THSD7B: variants seen among roughly 807,000 people sequenced by gnomAD.
The protein encoded by THSD7B is thrombospondin type 1 domain containing 7B, also known as thrombospondin type-1 domain-containing protein 7B.
THSD7B carries 138 observed loss-of-function variants against 213.6 expected under a neutral mutation model. The observed-to-expected ratio is 0.65, with a 90% CI of 0.56 to 0.74. The LOEUF (loss-of-function observed/expected upper bound fraction) is 0.74. THSD7B is among the 30% of genes least tolerant of loss of function. THSD7B has a pLI of 0.00. For synonymous variants in THSD7B, 742 were observed against 687.0 expected (o/e 1.08, Z -1.25); for missense variants, 1,931 against 1,991.5 (o/e 0.97, Z 0.58).
chr2:137,562,606 G>GTGTGTA (rs967141015), intron 15 of THSD7B, among the ~76,000 whole-genome samples: 1 of 151,422 alleles, frequency 6.6e-6, no homozygotes, highest in Non-Finnish European at 1.5e-5. Flanking sequence ...GTGTGTGTGT[G>GTGTGTA]TGTGTGTGTG....
At chr2:136,997,579 T>C (rs17725386) in intron 2 of THSD7B, among the ~76,000 whole-genome samples, 15,676 of 152,094 alleles carry the variant, frequency 0.1, 1,036 homozygotes, top group East Asian at 0.16. Flanking sequence ...CCACCAGAAG[T>C]GGGAAGAGGA....
At chr2:136,950,473 C>T (rs74631330) in intron 2 of THSD7B, among the ~76,000 whole-genome samples, 2,161 of 152,140 alleles carry the variant, frequency 0.014, 69 homozygotes, top group African/African-American at 0.049. Flanking sequence ...AATATTCTGC[C>T]AAAGTTGAGA....
chr2:136,825,718 A>T (rs1263800485), intron 1 of THSD7B, among the ~76,000 whole-genome samples: 8 of 116,890 alleles, frequency 6.8e-5, no homozygotes, highest in Non-Finnish European at 1.2e-4. Flanking sequence ...TGCCTGGCTA[A>T]TTTTTTTTTT....
intron 19 of THSD7B, among the ~76,000 whole-genome samples, chr2:137,618,901 C>T (rs1361183600): frequency 6.6e-6 from 1 of 152,182 alleles, no homozygotes; most frequent in Non-Finnish European, 1.5e-5. Context: ...AACATGGACA[C>T]TTGCCATTAC....
At chr2:137,102,171 G>C (rs1266475785) in intron 4 of THSD7B, among the ~76,000 whole-genome samples, 1 of 152,198 alleles carries the variant, frequency 6.6e-6, no homozygotes, top group East Asian at 1.9e-4. Flanking sequence ...GTGCCCCTCT[G>C]GGGTGAAGCT....
rs1680736679 is a variant in THSD7B, at chr2:137,546,464, A to ATATATATATTATATATAT, written c.3139-16748_3139-16747insTATATATATTATATATAT. 7.2e-4 allele frequency among the ~76,000 whole-genome samples: 12 copies of ATATATATATTATATATAT among 16,770 alleles called. 2 individuals are homozygous for ATATATATATTATATATAT. Among genetic ancestry groups the ATATATATATTATATATAT allele is most frequent in the African/African-American group, 4.0e-3 (10 of 2,472 alleles). 11.0% of individuals were successfully genotyped at this position (16,770 alleles called of 152,430 possible). On this transcript the variant is annotated intron_variant, in intron 15 of 27. Transcript: ENST00000409968. The stretch of plus-strand genomic sequence containing the variant: ...ATATATTATATATATATTATATATA[A>ATATATATATTATATATAT]TATATATATATATAATATATATATA...
chr2:136,989,273 G>C, intron 2 of THSD7B, among the ~76,000 whole-genome samples: 1 of 151,976 alleles, frequency 6.6e-6, no homozygotes, highest in African/African-American at 2.4e-5. Flanking sequence ...GTGATCCCCA[G>C]TGTTGGTGGA....
chr2:136,782,310 T>C (rs1681756813), intron 1 of THSD7B, among the ~76,000 whole-genome samples: 1 of 152,204 alleles, frequency 6.6e-6, no homozygotes, highest in African/African-American at 2.4e-5. Flanking sequence ...TAGGTCTCTC[T>C]TGGTGGCTCC....
At chr2:137,452,024 G>C in intron 15 of THSD7B, 23 of 943,220 alleles carry the variant, frequency 2.4e-5, no homozygotes, top group Non-Finnish European at 2.9e-5. Flanking sequence ...AATTATAATA[G>C]CATGTTTAGT....
At chr2:137,664,614 G>T (rs1343090278) in intron 26 of THSD7B, among the ~76,000 whole-genome samples, 1 of 152,194 alleles carries the variant, frequency 6.6e-6, no homozygotes, top group Non-Finnish European at 1.5e-5. Context: ...GCAACCTAAT[G>T]AGATGTTATC....
At chr2:137,479,294 C>G (rs1167909935) in intron 15 of THSD7B, among the ~76,000 whole-genome samples, 1 of 152,092 alleles carries the variant, frequency 6.6e-6, no homozygotes, top group Non-Finnish European at 1.5e-5. Context: ...TGTTAAGCCA[C>G]CAGGAGGAGT....
At chr2:137,381,514 G>C (rs964402740) in intron 12 of THSD7B, among the ~76,000 whole-genome samples, 2 of 152,136 alleles carry the variant, frequency 1.3e-5, no homozygotes, top group Admixed American at 6.5e-5. Flanking sequence ...TTCAGAGCTT[G>C]GAAAAAGAAT....
At chr2:137,406,494 C>T (rs1426047232) in intron 13 of THSD7B, among the ~76,000 whole-genome samples, 1 of 152,142 alleles carries the variant, frequency 6.6e-6, no homozygotes, top group African/African-American at 2.4e-5. Flanking sequence ...TTTGTATAAG[C>T]AGAAAATGGA....
intron 2 of THSD7B, among the ~76,000 whole-genome samples, chr2:137,055,023 C>G (rs1008546991): frequency 6.6e-6 from 1 of 152,146 alleles, no homozygotes; most frequent in African/African-American, 2.4e-5. Context: ...TGAGTGAGAA[C>G]ATGCAGTGTT....
At chr2:137,032,011 T>C (rs1426158410) in intron 2 of THSD7B, among the ~76,000 whole-genome samples, 1 of 152,082 alleles carries the variant, frequency 6.6e-6, no homozygotes, top group Non-Finnish European at 1.5e-5. Context: ...AGCTGATTTT[T>C]GTATTTTTTT....
At chr2:136,997,214 C>T (rs888553950) in intron 2 of THSD7B, among the ~76,000 whole-genome samples, 1 of 152,096 alleles carries the variant, frequency 6.6e-6, no homozygotes, top group Non-Finnish European at 1.5e-5. Context: ...TTCTTTCTCC[C>T]CTTTCTTTCC....
rs1159062789 is a variant in THSD7B at position 137,271,453 on chromosome 2, A to G, written c.2267-1080A>G. On this transcript the variant is annotated intron_variant, in intron 10 of 27. Coordinates refer to ENST00000409968, the MANE Select transcript of THSD7B (RefSeq NM_001316349.2). The stretch of plus-strand genomic sequence containing the variant: ...TAATATATATAATATAATATATAAT[A>G]TAATATATAATATAATATATAATAT... Among the ~76,000 whole-genome samples, 126 of 139,446 alleles carry G rather than the reference A, an allele frequency of 9.0e-4. 3 individuals are homozygous for G. The East Asian group carries it at 0.019, about 21-fold the overall frequency. The allele number at this position is 139,446 out of a possible 152,430, so 91.5% of individuals were successfully genotyped here.
At chr2:137,407,139 A>G (rs1424093841) in intron 13 of THSD7B, among the ~76,000 whole-genome samples, 3 of 152,154 alleles carry the variant, frequency 2.0e-5, no homozygotes, top group African/African-American at 7.2e-5. Context: ...TGAAAATGGA[A>G]AATATTGAAA....
At chr2:137,372,908 T>C (rs368752825) in intron 12 of THSD7B, among the ~76,000 whole-genome samples, 1 of 145,386 alleles carries the variant, frequency 6.9e-6, no homozygotes, top group African/African-American at 2.5e-5. Context: ...CCATGTGTTC[T>C]CATTGTTCAA....
Sources: gnomAD v4.1 joint callset for allele counts (sites outside exome capture counted in the v4.1 genomes callset) on GRCh38, gnomAD v4.1.1 for gene constraint, MANE v1.5 for transcripts, NCBI Gene and HGNC (gene_info 2026-07-23, HGNC 2026-07-21) for gene names.